Variants in GPC6 observed in about 807,000 individuals in gnomAD.
The protein encoded by GPC6 is glypican-6.
A neutral mutation model predicts 55.2 loss-of-function variants in GPC6; 14 were observed. The observed-to-expected ratio is 0.25, with a 90% confidence interval of 0.17 to 0.40. The LOEUF (loss-of-function observed/expected upper bound fraction) is 0.40, where lower values mean the gene tolerates loss of function less well. GPC6 is among the 10% of genes least tolerant of loss of function. GPC6 has a pLI of 1.00. For synonymous variants in GPC6, 278 were observed against 259.6 expected, an observed-to-expected ratio of 1.07 and a Z score of -0.68; for missense variants, 641 against 708.5, an observed-to-expected ratio of 0.90 and a Z score of 1.08.
At chr13:94,343,739 T>G (rs1047927000) in intron 6 of GPC6, among the ~76,000 whole-genome samples, 1 of 151,598 alleles carries the variant, frequency 6.6e-6, no homozygotes, top group Non-Finnish European at 1.5e-5. Context: ...TGTTGTTAAC[T>G]TTTTTTTTGA....
intron 1 of GPC6, among the ~76,000 whole-genome samples, chr13:93,358,139 G>C (rs112167470): frequency 0.015 from 2,241 of 152,208 alleles, 30 homozygotes; most frequent in Middle Eastern, 0.024. Context: ...TTCCATTCAG[G>C]AGTTAGAGAC....
At chr13:93,453,739 C>T (rs1306795310) in intron 1 of GPC6, among the ~76,000 whole-genome samples, 4 of 151,332 alleles carry the variant, frequency 2.6e-5, no homozygotes, top group African/African-American at 4.9e-5. Context: ...CCGGTGGGCT[C>T]GTGGTCTGGC....
Position 93,736,129 on chromosome 13 carries a change from G to A in GPC6, c.320-94025G>A, listed in dbSNP as rs971533166. On this transcript the variant is annotated intron_variant, in intron 2 of 8. Transcript: ENST00000377047. ...TTTATCATCTTTCTTTGCTAAAAAA[G>A]ACACATACCATATTATGGAAGGCTC... 4.6e-5 allele frequency among the ~76,000 whole-genome samples: 7 copies of A among 152,274 alleles called. No homozygotes were observed. In the East Asian group the frequency reaches 1.4e-3, roughly 29 times the overall value.
intron 1 of GPC6, among the ~76,000 whole-genome samples, chr13:93,519,310 A>G (rs1248453104): frequency 1.3e-5 from 2 of 152,040 alleles, no homozygotes; most frequent in African/African-American, 4.8e-5. Flanking sequence ...AGAAGATGTT[A>G]CATATGCAAA....
At chr13:93,448,926 T>C (rs1878110855) in intron 1 of GPC6, among the ~76,000 whole-genome samples, 1 of 152,032 alleles carries the variant, frequency 6.6e-6, no homozygotes, top group Non-Finnish European at 1.5e-5. Context: ...CATTAGTTAA[T>C]CTGCTTCTTT....
intron 2 of GPC6, among the ~76,000 whole-genome samples, chr13:93,577,971 G>A (rs1876745404): frequency 6.6e-6 from 1 of 151,964 alleles, no homozygotes; most frequent in South Asian, 2.1e-4. Context: ...ATAATTATAT[G>A]GTTTTCATTC....
intron 1 of GPC6, among the ~76,000 whole-genome samples, chr13:93,272,792 A>AT (rs1474816415): frequency 6.6e-6 from 1 of 152,164 alleles, no homozygotes; most frequent in Non-Finnish European, 1.5e-5. Flanking sequence ...CAGACCCTCT[A>AT]TGCCTGTGCC....
chr13:93,401,210 T>A (rs1876062936), intron 1 of GPC6, among the ~76,000 whole-genome samples: 1 of 150,908 alleles, frequency 6.6e-6, no homozygotes, highest in South Asian at 2.1e-4. Context: ...TTGACTTTTG[T>A]ATTTTTGCTG....
chr13:94,090,733 A>G (rs1482010087), intron 4 of GPC6, among the ~76,000 whole-genome samples: 2 of 152,180 alleles, frequency 1.3e-5, no homozygotes, highest in Non-Finnish European at 2.9e-5. Flanking sequence ...TCTCCATTTT[A>G]TGGATAAGTC....
intron 3 of GPC6, among the ~76,000 whole-genome samples, chr13:93,947,280 A>G (rs1305600834): frequency 6.6e-6 from 1 of 152,208 alleles, no homozygotes; most frequent in Non-Finnish European, 1.5e-5. Context: ...ACATTCTTCC[A>G]AACTACAGCA....
intron 3 of GPC6, among the ~76,000 whole-genome samples, chr13:93,973,895 GC>G (rs1880404341): frequency 6.6e-6 from 1 of 152,186 alleles, no homozygotes; most frequent in South Asian, 2.1e-4. Flanking sequence ...TGACTCTCCT[GC>G]CTTGTCTGCC....
chr13:94,367,763 C>T (rs1449673880), intron 6 of GPC6, among the ~76,000 whole-genome samples: 4 of 151,018 alleles, frequency 2.6e-5, no homozygotes, highest in South Asian at 2.1e-4. Context: ...TGTTTTCAAA[C>T]CTTCAAAGAT....
intron 6 of GPC6, among the ~76,000 whole-genome samples, chr13:94,379,668 T>C (rs752663595): frequency 1.3e-5 from 2 of 152,206 alleles, no homozygotes; most frequent in Non-Finnish European, 2.9e-5. Context: ...GAGCATGTAC[T>C]GTGTGCTTAG....
rs1054668782 is a variant in GPC6, at chr13:93,683,482, A to G, written c.319+138061A>G. 1.4e-4 allele frequency among the ~76,000 whole-genome samples: 22 copies of G among 152,258 alleles called. 1 individual carries two copies. The highest frequency in any genetic ancestry group is 4.8e-4 in the African/African-American group (20 of 41,564). On this transcript the variant is annotated intron_variant, in intron 2 of 8. Coordinates refer to ENST00000377047, the MANE Select transcript of GPC6 (RefSeq NM_005708.5). Reference sequence around the variant, plus strand: ...TTTTAATATATAGCAAGTCTAATGTATACATCTTAACTGGATACTGTTGGT... The same window carrying G: ...TTTTAATATATAGCAAGTCTAATGTGTACATCTTAACTGGATACTGTTGGT...
intron 4 of GPC6, among the ~76,000 whole-genome samples, chr13:94,230,371 C>T (rs1318712263): frequency 6.6e-6 from 1 of 150,500 alleles, no homozygotes; most frequent in Non-Finnish European, 1.5e-5. Flanking sequence ...GTGGATCTCA[C>T]ACAAAGAAAT....
chr13:93,514,901 T>C (rs1016743051), intron 1 of GPC6, among the ~76,000 whole-genome samples: 1 of 152,206 alleles, frequency 6.6e-6, no homozygotes, highest in Non-Finnish European at 1.5e-5. Flanking sequence ...TTGCTTGTTA[T>C]ATGAAAATTA....
rs79885532 is a variant in GPC6 at position 93,566,548 on chromosome 13, T to G, written c.319+21127T>G. Among the ~76,000 whole-genome samples, 11 of 121,508 alleles carry G rather than the reference T, an allele frequency of 9.1e-5. No homozygotes were observed. In the South Asian group the frequency reaches 1.1e-3, roughly 12 times the overall value. 79.7% of individuals were successfully genotyped at this position (121,508 alleles called of 152,430 possible). A position where few individuals can be genotyped will look rare whatever the true frequency, so the allele number is the denominator to read the frequency against. ...GAGAAAGTTTTTTTTTTTTTGCTTG[T>G]TTTTTTTTATGACTTTTTTTTCTTT... On this transcript the variant is annotated intron_variant, in intron 2 of 8. Coordinates refer to ENST00000377047, the MANE Select transcript of GPC6 (RefSeq NM_005708.5).
At chr13:93,533,514 A>G (rs1317640113) in intron 1 of GPC6, among the ~76,000 whole-genome samples, 1 of 152,208 alleles carries the variant, frequency 6.6e-6, no homozygotes, top group African/African-American at 2.4e-5. Context: ...TAATTCTAGG[A>G]TGAGAGAACT....
chr13:93,340,465 G>A (rs1880215423), intron 1 of GPC6, among the ~76,000 whole-genome samples: 2 of 152,132 alleles, frequency 1.3e-5, no homozygotes, highest in Admixed American at 1.3e-4. Context: ...ATAGATAATT[G>A]AATAAATAAA....
Sources: gnomAD v4.1 joint callset for allele counts (sites outside exome capture counted in the v4.1 genomes callset) on GRCh38, gnomAD v4.1.1 for gene constraint, MANE v1.5 for transcripts, NCBI Gene and HGNC (gene_info 2026-07-23, HGNC 2026-07-21) for gene names.